TBC1D2: variants seen among roughly 807,000 people sequenced by gnomAD.
TBC1D2 encodes the protein TBC1 domain family member 2A.
TBC1D2 carries 58 observed loss-of-function variants against 91.1 expected under a neutral mutation model. The ratio of observed to expected loss-of-function variants is 0.64; its 90% CI spans 0.52 to 0.79. The LOEUF is 0.79. Ranked by LOEUF, TBC1D2 falls within the 30% of genes least tolerant of loss-of-function variation. The probability of loss-of-function intolerance (pLI) is 0.00; values close to 1 mark genes in which losing one functional copy is unlikely to be tolerated. For missense variants in TBC1D2, 1,080 were observed against 1,208.3 expected (o/e 0.89, Z 1.57); for synonymous variants, 482 against 511.5 (o/e 0.94, Z 0.78).
intron 3 of TBC1D2, among the ~76,000 whole-genome samples, chr9:98,241,450 G>C (rs1342720825): frequency 1.3e-5 from 2 of 152,168 alleles, no homozygotes; most frequent in African/African-American, 4.8e-5. Flanking sequence ...GGACACAAAG[G>C]CAGCTCTCAT....
Position 98,221,072 on chromosome 9 carries a change from G to A in TBC1D2, c.1135C>T (p.Leu379=), listed in dbSNP as rs1406170646. Residue 379 remains leucine (L), a synonymous_variant, in exon 6 of 13, where the codon CTG becomes TTG. Transcript: ENST00000465784. The part of the protein sequence containing the change: ...IAELGRRVEA[L]EQERESLAHT... ...GCCAGGCTCTCCCGCTCCTGCTCCAGGGCCTCCACCCGCCGGCCCAGCTCC... is the reference window on the plus strand; with the variant it reads ...GCCAGGCTCTCCCGCTCCTGCTCCAAGGCCTCCACCCGCCGGCCCAGCTCC... 1.2e-6 allele frequency: 2 copies of A among 1,606,080 alleles called. No homozygotes were observed. Among genetic ancestry groups the A allele is most frequent in the Admixed American group, 3.4e-5 (2 of 58,990 alleles).
chr9:98,212,475 G>A (rs1356818424), intron 7 of TBC1D2, among the ~76,000 whole-genome samples: 1 of 149,956 alleles, frequency 6.7e-6, no homozygotes, highest in African/African-American at 2.5e-5. Context: ...CTCCCTTTGG[G>A]CCCCCAAGAA....
chr9:98,235,707 C>T (rs1427297894), intron 3 of TBC1D2: 4 of 284,536 alleles, frequency 1.4e-5, no homozygotes, highest in Non-Finnish European at 2.8e-5. Flanking sequence ...ATGTGCATTG[C>T]TGAAGATGTG....
At chr9:98,210,219 G>A (rs1043605036) in intron 8 of TBC1D2, among the ~76,000 whole-genome samples, 4 of 152,138 alleles carry the variant, frequency 2.6e-5, no homozygotes, top group African/African-American at 7.2e-5. Flanking sequence ...TCCAAAGCTC[G>A]AGCTCCTGCC....
rs1440398535 is a variant in TBC1D2 at position 98,199,078 on chromosome 9, A to T, written c.*303T>A. The T allele has an allele frequency of 1.8e-6, 1 of 545,402 alleles. No individual in the cohort carries two copies. The highest frequency in any genetic ancestry group is 1.9e-5 in the African/African-American group (1 of 53,004). The allele number at this position is 545,402 out of a possible 1,614,324, so 33.8% of individuals were successfully genotyped here. A position where few individuals can be genotyped will look rare whatever the true frequency, so the allele number is the denominator to read the frequency against. On this transcript the variant is annotated 3_prime_UTR_variant, in exon 13 of 13. Coordinates refer to ENST00000465784, the MANE Select transcript of TBC1D2 (RefSeq NM_001267571.2). The stretch of plus-strand genomic sequence containing the variant: ...GTTTTATATTGATATAACCTAGAGA[A>T]TGTTCCAGGTTACCCTATAGAGGCA...
intron 1 of TBC1D2, among the ~76,000 whole-genome samples, chr9:98,254,502 A>G (rs746411862): frequency 2.6e-5 from 4 of 152,226 alleles, no homozygotes. Flanking sequence ...AGTAAGTAGC[A>G]AATGTACAAT....
intron 10 of TBC1D2, 71 bp downstream of exon 10, chr9:98,203,217 C>A: frequency 6.3e-7 from 1 of 1,576,982 alleles, no homozygotes; most frequent in South Asian, 1.2e-5. Context: ...TCCTGAGAGT[C>A]ACAGGCTTCT....
intron 3 of TBC1D2, among the ~76,000 whole-genome samples, chr9:98,241,564 T>C (rs972901745): frequency 1.3e-5 from 2 of 152,230 alleles, no homozygotes; most frequent in Non-Finnish European, 2.9e-5. Flanking sequence ...GAAGTTGCTC[T>C]ATGACCCTCT....
In TBC1D2 at chr9:98,228,505, G is replaced by T. The variant is rs1829287468; in HGVS notation, c.978+447C>A. Among the ~76,000 whole-genome samples, 1 of 152,222 alleles carries T rather than the reference G, an allele frequency of 6.6e-6. No homozygotes were observed. The highest frequency in any genetic ancestry group is 1.5e-5 in the Non-Finnish European group (1 of 68,032). The stretch of plus-strand genomic sequence containing the variant: ...TGGCTTAGCCCTGGGCCACACACAT[G>T]CTGCTTGTTTGCTTTCTCCTGTGAC... On this transcript the variant is annotated intron_variant, in intron 5 of 12. Coordinates refer to ENST00000465784, the MANE Select transcript of TBC1D2 (RefSeq NM_001267571.2). This position sits in a 1 kb window ranked among gnomAD's most constrained non-coding sequence, Gnocchi z 4.0.
chr9:98,213,486 C>T, intron 6 of TBC1D2: 1 of 1,113,508 alleles, frequency 9.0e-7, no homozygotes, highest in Non-Finnish European at 1.2e-6. Context: ...GGCCACTGAA[C>T]CACTCTGACC....
intron 5 of TBC1D2, among the ~76,000 whole-genome samples, chr9:98,227,940 C>A (rs1208326004): frequency 1.3e-5 from 2 of 152,084 alleles, no homozygotes; most frequent in Non-Finnish European, 2.9e-5. Flanking sequence ...TTTCTTCCCA[C>A]CAAAATAGGG....
At chr9:98,235,511 G>A in intron 3 of TBC1D2, 1 of 448,544 alleles carries the variant, frequency 2.2e-6, no homozygotes, top group South Asian at 1.7e-5. Context: ...CAAAGAAAAG[G>A]ATAATGTAGG....
At chr9:98,229,232 G>A in intron 4 of TBC1D2, 84 bp from the exon 5 acceptor site, 1 of 1,334,620 alleles carries the variant, frequency 7.5e-7, no homozygotes, top group Non-Finnish European at 1.0e-6. Context: ...GCACCTGGAG[G>A]GCTTGTTAAA....
intron 3 of TBC1D2, among the ~76,000 whole-genome samples, chr9:98,236,438 G>A (rs1439415494): frequency 1.3e-5 from 2 of 152,084 alleles, no homozygotes; most frequent in Admixed American, 6.5e-5. Flanking sequence ...GGTCAGGCTG[G>A]TCTCAAACTC....
Position 98,255,608 on chromosome 9 carries a change from C to A in TBC1D2, c.-67G>T. 7.1e-7 allele frequency: 1 copy of A among 1,416,466 alleles called. No homozygotes were observed. The highest frequency in any genetic ancestry group is 9.2e-7 in the Non-Finnish European group (1 of 1,089,032). 87.7% of individuals were successfully genotyped at this position (1,416,466 alleles called of 1,614,324 possible). On this transcript the variant is annotated 5_prime_UTR_variant, in exon 1 of 13. Coordinates refer to ENST00000465784, the MANE Select transcript of TBC1D2 (RefSeq NM_001267571.2). ...GACCACCAGGGACAAATCTCGGAGA[C>A]TCGGCGGGCAGCTTCCCAAAGGGAG...
At position 98,213,090 on chromosome 9, in the gene TBC1D2, T is replaced by A. The variant is rs1432872877; in HGVS notation, c.1485+18A>T. ...GGGCCAGGGATGGAGACGGCTGGAA[T>A]AGGGCCCCACCCCGCACCTTCGTCA... On this transcript the variant is annotated intron_variant, in intron 7 of 12. Coordinates refer to ENST00000465784, the MANE Select transcript of TBC1D2 (RefSeq NM_001267571.2). 1 of 1,613,362 alleles carries A rather than the reference T, an allele frequency of 6.2e-7. No homozygotes were observed. Among genetic ancestry groups the A allele is most frequent in the Non-Finnish European group, 8.5e-7 (1 of 1,179,898 alleles).
At chr9:98,235,544 C>G (rs896899107) in intron 3 of TBC1D2, 4 of 452,302 alleles carry the variant, frequency 8.8e-6, no homozygotes, top group Admixed American at 5.2e-5. Context: ...ATGATTTATT[C>G]GACATTCAAA....
At chr9:98,207,851 C>T (rs1396004412) in intron 9 of TBC1D2, among the ~76,000 whole-genome samples, 1 of 152,204 alleles carries the variant, frequency 6.6e-6, no homozygotes, top group Non-Finnish European at 1.5e-5. Context: ...GGCATGAAGG[C>T]TGCCCCCTGG....
At chr9:98,225,056 G>A (rs765598718) in intron 5 of TBC1D2, among the ~76,000 whole-genome samples, 5 of 152,152 alleles carry the variant, frequency 3.3e-5, no homozygotes, top group Non-Finnish European at 5.9e-5. Flanking sequence ...GAGGCTATAC[G>A]TTGCCCCACT....
Sources: gnomAD v4.1 joint callset for allele counts (sites outside exome capture counted in the v4.1 genomes callset) on GRCh38, gnomAD v4.1.1 for gene constraint, Gnocchi (gnomAD v3.1) non-coding constraint, MANE v1.5 for transcripts, NCBI Gene and HGNC (gene_info 2026-07-23, HGNC 2026-07-21) for gene names.